NEK1: variants seen among roughly 807,000 people sequenced by gnomAD.
The protein encoded by NEK1 is serine/threonine-protein kinase Nek1.
A neutral mutation model predicts 182.1 loss-of-function variants in NEK1; 137 were observed. That is an observed-to-expected ratio of 0.75 (90% CI 0.65 to 0.87). The LOEUF is 0.87. Ranked by LOEUF, NEK1 falls within the 40% of genes least tolerant of loss-of-function variation. The probability of loss-of-function intolerance (pLI) is 0.00; values close to 1 mark genes in which losing one functional copy is unlikely to be tolerated. For missense variants in NEK1, 1,391 were observed against 1,494.4 expected, an observed-to-expected ratio of 0.93 and a Z score of 1.14; for synonymous variants, 513 against 492.2, an observed-to-expected ratio of 1.04 and a Z score of -0.56.
chr4:169,440,811 G>C (rs1739300423), intron 27 of NEK1, among the ~76,000 whole-genome samples: 1 of 152,180 alleles, frequency 6.6e-6, no homozygotes, highest in Admixed American at 6.5e-5. Flanking sequence ...GACTAGTAGA[G>C]GAAGCTGCCT....
At chr4:169,396,586 T>C (rs980954160) in intron 35 of NEK1, among the ~76,000 whole-genome samples, 2 of 151,934 alleles carry the variant, frequency 1.3e-5, no homozygotes, top group African/African-American at 4.8e-5. Flanking sequence ...TATCTAGCTA[T>C]GGAAAAAAAA....
At chr4:169,413,837 T>C (rs549052900) in intron 31 of NEK1, among the ~76,000 whole-genome samples, 2 of 152,118 alleles carry the variant, frequency 1.3e-5, no homozygotes, top group Non-Finnish European at 2.9e-5. Flanking sequence ...GGCTACACGG[T>C]GAAACTCCGT....
At chr4:169,476,251 G>C (rs190685295) in intron 26 of NEK1, among the ~76,000 whole-genome samples, 1 of 152,038 alleles carries the variant, frequency 6.6e-6, no homozygotes, top group East Asian at 1.9e-4. Context: ...GAGGTGACTG[G>C]ATCATGGGGG....
intron 18 of NEK1, among the ~76,000 whole-genome samples, chr4:169,541,799 T>C (rs148609379): frequency 3.0e-4 from 46 of 152,256 alleles, no homozygotes; most frequent in African/African-American, 1.0e-3. Context: ...CCCATCTAAA[T>C]AGCCCATGAC....
At chr4:169,401,558 T>A in intron 33 of NEK1, 94 bp downstream of exon 33, 1 of 1,007,014 alleles carries the variant, frequency 9.9e-7, no homozygotes, top group Non-Finnish European at 1.4e-6. Context: ...TATTTAAAGT[T>A]GGAAATGGTT....
At chr4:169,544,344 T>C (rs765639200) in intron 18 of NEK1, among the ~76,000 whole-genome samples, 2 of 152,220 alleles carry the variant, frequency 1.3e-5, no homozygotes, top group Non-Finnish European at 2.9e-5. Context: ...ATAAGCTTTT[T>C]GATGTGCTGC....
chr4:169,420,278 A>G (rs1579455976), intron 31 of NEK1, among the ~76,000 whole-genome samples: 1 of 152,080 alleles, frequency 6.6e-6, no homozygotes, highest in Admixed American at 6.6e-5. Flanking sequence ...ACACTGAAAT[A>G]CCTCCTGAAG....
chr4:169,411,438 G>T (rs4426736), intron 31 of NEK1, among the ~76,000 whole-genome samples: 54,768 of 151,578 alleles, frequency 0.36, 10,436 homozygotes, highest in African/African-American at 0.48. Flanking sequence ...GCGACTTTCG[G>T]GCCTCAGCCT....
chr4:169,471,869 C>T (rs1011351637), intron 26 of NEK1, among the ~76,000 whole-genome samples: 5 of 152,114 alleles, frequency 3.3e-5, no homozygotes, highest in African/African-American at 1.2e-4. Flanking sequence ...CTGGCTACAG[C>T]GGCTTTGCCA....
intron 19 of NEK1, among the ~76,000 whole-genome samples, chr4:169,534,152 C>T (rs999967371): frequency 3.3e-5 from 5 of 152,290 alleles, no homozygotes; most frequent in African/African-American, 9.6e-5. Context: ...TCATTTGAGG[C>T]TCATTTGCAT....
chr4:169,419,217 G>A (rs534115846), intron 31 of NEK1, among the ~76,000 whole-genome samples: 1 of 151,944 alleles, frequency 6.6e-6, no homozygotes, highest in Non-Finnish European at 1.5e-5. Context: ...ATGAAGATAA[G>A]AAAGCTCACA....
intron 23 of NEK1, among the ~76,000 whole-genome samples, chr4:169,487,323 TC>T (rs751018103): frequency 2.6e-5 from 4 of 152,098 alleles, no homozygotes; most frequent in Non-Finnish European, 5.9e-5. Flanking sequence ...TTCCTCCACA[TC>T]CCTCAAAAGC....
At chr4:169,568,406 G>GA (rs947013359) in intron 12 of NEK1, among the ~76,000 whole-genome samples, 1 of 151,992 alleles carries the variant, frequency 6.6e-6, no homozygotes, top group African/African-American at 2.4e-5. Flanking sequence ...AACTCTATTA[G>GA]AAAACATAAA....
At chr4:169,514,264 A>G (rs1754721901) in intron 19 of NEK1, among the ~76,000 whole-genome samples, 1 of 152,192 alleles carries the variant, frequency 6.6e-6, no homozygotes, top group African/African-American at 2.4e-5. Context: ...CTGGGATTAC[A>G]GGCGTGAGCC....
At chr4:169,508,363 T>C (rs766187938) in intron 20 of NEK1, 32 bp from the exon 21 acceptor site, 8 of 1,501,792 alleles carry the variant, frequency 5.3e-6, no homozygotes, top group East Asian at 5.0e-5. Context: ...AACATAATAA[T>C]GTAAAAGCAA....
chr4:169,539,873 T>C (rs1322359867), intron 18 of NEK1, among the ~76,000 whole-genome samples: 1 of 152,132 alleles, frequency 6.6e-6, no homozygotes, highest in Non-Finnish European at 1.5e-5. Flanking sequence ...ATGTTTGACT[T>C]CCCATCTTAA....
intron 27 of NEK1, among the ~76,000 whole-genome samples, chr4:169,442,655 T>C (rs1035125188): frequency 5.9e-5 from 9 of 152,124 alleles, no homozygotes; most frequent in South Asian, 2.1e-4. Context: ...AAGTGAGGTA[T>C]AGGAGAACAC....
chr4:169,443,977 TAA>T (rs1183585273), intron 27 of NEK1, among the ~76,000 whole-genome samples: 1 of 152,010 alleles, frequency 6.6e-6, no homozygotes, highest in Non-Finnish European at 1.5e-5. Flanking sequence ...GAAGGAGAAA[TAA>T]AGTCTTTCCC....
chr4:169,604,757 TGATGA>T (rs1042855366), intron 2 of NEK1, among the ~76,000 whole-genome samples: 2 of 152,206 alleles, frequency 1.3e-5, no homozygotes, highest in South Asian at 2.1e-4. Context: ...GTGGTAGCAC[TGATGA>T]GATAAGTATG....
Sources: allele counts gnomAD v4.1 joint callset (sites outside exome capture counted in the v4.1 genomes callset), GRCh38; gene constraint gnomAD v4.1.1; transcripts MANE v1.5; gene names NCBI Gene and HGNC (gene_info 2026-07-23, HGNC 2026-07-21).